TMEM209: variants seen among roughly 807,000 people sequenced by gnomAD.
TMEM209 encodes the protein testicular tissue protein Li 202.
Under a neutral mutation model 76.2 loss-of-function variants are expected in TMEM209, and 65 were observed. The ratio of observed to expected loss-of-function variants is 0.85; its 90% CI spans 0.70 to 1.05. TMEM209 has a LOEUF of 1.05. Among genes scored for constraint, TMEM209 ranks in the 50% least tolerant of loss-of-function variants. TMEM209 has a pLI of 0.00. For missense variants in TMEM209, 623 were observed against 685.5 expected (o/e 0.91, Z 1.02); for synonymous variants, 239 against 237.6 (o/e 1.01, Z -0.06).
At chr7:130,172,048 A>C (rs1797088125) in intron 13 of TMEM209, among the ~76,000 whole-genome samples, 1 of 151,820 alleles carries the variant, frequency 6.6e-6, no homozygotes, top group Non-Finnish European at 1.5e-5. Flanking sequence ...AAGAGTAAAA[A>C]ATCTGTATGT....
At position 130,166,215 on chromosome 7, in the gene TMEM209, C is replaced by G. The variant is rs1796878723; in HGVS notation, c.*236G>C. 3.0e-6 allele frequency: 1 copy of G among 338,068 alleles called. No homozygotes were observed. Among genetic ancestry groups the G allele is most frequent in the South Asian group, 1.1e-4 (1 of 9,164 alleles). The allele number at this position is 338,068 out of a possible 1,614,324, so 20.9% of individuals were successfully genotyped here. ...ATCCGAAGGGTTGCAGTTTTGTAGT[C>G]AACTGAAATTTCTGAAAAGCGATAT... On this transcript the variant is annotated 3_prime_UTR_variant, in exon 15 of 15. Coordinates refer to ENST00000397622, the MANE Select transcript of TMEM209 (RefSeq NM_032842.4).
At chr7:130,195,039 G>A (rs1231400293) in intron 5 of TMEM209, among the ~76,000 whole-genome samples, 2 of 151,716 alleles carry the variant, frequency 1.3e-5, no homozygotes, top group African/African-American at 2.4e-5. Flanking sequence ...TTTTGCTTAC[G>A]GGCCATAATA....
At chr7:130,176,312 G>A (rs1349300009) in intron 10 of TMEM209, among the ~76,000 whole-genome samples, 1 of 150,818 alleles carries the variant, frequency 6.6e-6, no homozygotes, top group African/African-American at 2.4e-5. Flanking sequence ...TAGCAGAGAT[G>A]GGGTTTCACC....
chr7:130,203,935 C>T (rs767788486), intron 2 of TMEM209, 39 bp downstream of exon 2: 1 of 1,606,502 alleles, frequency 6.2e-7, no homozygotes, highest in South Asian at 1.1e-5. Context: ...CAGCCACTGG[C>T]TTCTTAAAGT....
chr7:130,184,225 G>A lies in TMEM209; in HGVS notation c.982C>T (p.Leu328Phe). ...GTCCATGAATCCATATGATCAAGAAGTTGTCTATTCATAGCCACTCTTGCC... is the reference window on the plus strand; with the variant it reads ...GTCCATGAATCCATATGATCAAGAAATTGTCTATTCATAGCCACTCTTGCC... ...VWARVAMNRQ[L>F]LDHMDSWTAK... The change falls in exon 8 of 15, where the codon CTT becomes TTT. Residue 328 changes from leucine (L) to phenylalanine (F), a missense_variant. Transcript: ENST00000397622. The A allele has an allele frequency of 6.2e-7, 1 of 1,607,394 alleles. No individual in the cohort carries two copies. Among genetic ancestry groups the A allele is most frequent in the Non-Finnish European group, 8.5e-7 (1 of 1,177,338 alleles).
intron 10 of TMEM209, among the ~76,000 whole-genome samples, chr7:130,175,843 A>G (rs1797218930): frequency 6.6e-6 from 1 of 152,152 alleles, no homozygotes; most frequent in African/African-American, 2.4e-5. Context: ...TGGCTTCTTA[A>G]AAAAAGAGTT....
chr7:130,192,867 A>G (rs1286698042), intron 5 of TMEM209, 44 bp from the exon 6 acceptor site: 7 of 1,575,004 alleles, frequency 4.4e-6, no homozygotes, highest in Non-Finnish European at 5.2e-6. Context: ...CTTTAATTGA[A>G]ATTCATTTTG....
intron 4 of TMEM209, 107 bp downstream of exon 4, chr7:130,202,425 T>C (rs1017162322): frequency 1.5e-4 from 217 of 1,410,914 alleles, no homozygotes; most frequent in South Asian, 2.9e-4. Context: ...CTGCTTAAGA[T>C]AGCTGATGTC....
chr7:130,188,423 C>T (rs566845150), intron 6 of TMEM209, among the ~76,000 whole-genome samples: 5 of 151,614 alleles, frequency 3.3e-5, no homozygotes, highest in East Asian at 3.9e-4. Context: ...GGTGAAACCC[C>T]GTCTCTACTA....
In TMEM209 at chr7:130,205,356, C is replaced by A; in HGVS notation, c.3+17G>T. ...GATTCCAAGACAGGAAGCACAAACA[C>A]GACCCCGAAAACGCACCATGTCCTC... On this transcript the variant is annotated intron_variant, in intron 1 of 14. Transcript: ENST00000397622. The A allele has an allele frequency of 1.2e-6, 2 of 1,613,966 alleles. No individual in the cohort carries two copies. The highest frequency in any genetic ancestry group is 1.7e-6 in the Non-Finnish European group (2 of 1,179,912).
intron 2 of TMEM209, 26 bp from the exon 3 acceptor site, chr7:130,203,872 C>T: frequency 6.3e-7 from 1 of 1,594,942 alleles, no homozygotes; most frequent in South Asian, 1.1e-5. Context: ...AAAGGCTTTC[C>T]AGTGAACCTA....
chr7:130,204,781 A>C (rs1798373456), intron 1 of TMEM209, among the ~76,000 whole-genome samples: 2 of 152,234 alleles, frequency 1.3e-5, no homozygotes, highest in Non-Finnish European at 2.9e-5. Flanking sequence ...TAACTTCAGA[A>C]ACTCAAAATG....
chr7:130,171,613 T>C (rs777128137), intron 13 of TMEM209, among the ~76,000 whole-genome samples: 2 of 152,170 alleles, frequency 1.3e-5, no homozygotes, highest in African/African-American at 4.8e-5. Flanking sequence ...GAAATTAACA[T>C]CTCTTCCTGA....
chr7:130,188,932 C>CA lies in TMEM209; in HGVS notation c.776-3566dup, dbSNP rs554623179. ...AAATGATCAAACAAATCTGAATTTTCAAAACAACAGCCTCATCTCTTCAAA... is the reference window on the plus strand; with the variant it reads ...AAATGATCAAACAAATCTGAATTTTCAAAAACAACAGCCTCATCTCTTCAAA... On this transcript the variant is annotated intron_variant, in intron 6 of 14. Coordinates refer to ENST00000397622, the MANE Select transcript of TMEM209 (RefSeq NM_032842.4). Among the ~76,000 whole-genome samples, 7 of 152,140 alleles carry CA rather than the reference C, an allele frequency of 4.6e-5. No homozygotes were observed. The South Asian group carries it at 1.5e-3, about 32-fold the overall frequency.
intron 10 of TMEM209, among the ~76,000 whole-genome samples, chr7:130,176,566 AT>A (rs1234172626): frequency 3.3e-5 from 5 of 152,186 alleles, no homozygotes; most frequent in Admixed American, 2.0e-4. Context: ...AAACTCAAAC[AT>A]GAATTTATGG....
chr7:130,181,801 C>CT (rs1797423271), intron 8 of TMEM209, 82 bp from the exon 9 acceptor site: 3 of 1,154,962 alleles, frequency 2.6e-6, no homozygotes, highest in Non-Finnish European at 3.7e-6. Context: ...ACAAGCAACT[C>CT]TAAGAATTTT....
intron 9 of TMEM209, among the ~76,000 whole-genome samples, chr7:130,180,106 G>T (rs1797361145): frequency 6.6e-6 from 1 of 152,084 alleles, no homozygotes; most frequent in South Asian, 2.1e-4. Context: ...ATTGGTAAAG[G>T]TAATTACTTA....
chr7:130,200,149 CTCTA>C (rs1028939185), intron 5 of TMEM209, among the ~76,000 whole-genome samples: 2 of 151,656 alleles, frequency 1.3e-5, no homozygotes, highest in East Asian at 1.9e-4. Flanking sequence ...GTTTCTCTCT[CTCTA>C]TATATATATA....
At chr7:130,199,428 G>C (rs1242529809) in intron 5 of TMEM209, among the ~76,000 whole-genome samples, 1 of 152,126 alleles carries the variant, frequency 6.6e-6, no homozygotes, top group Non-Finnish European at 1.5e-5. Flanking sequence ...CAACATGTTA[G>C]CCAGGATGGT....
Sources: gnomAD v4.1 joint callset for allele counts (sites outside exome capture counted in the v4.1 genomes callset) on GRCh38, gnomAD v4.1.1 for gene constraint, MANE v1.5 for transcripts, NCBI Gene and HGNC (gene_info 2026-07-23, HGNC 2026-07-21) for gene names.